Variants in SLC28A1 observed in about 807,000 individuals in gnomAD.
SLC28A1 encodes sodium/nucleoside cotransporter 1.
A neutral mutation model predicts 74.8 loss-of-function variants in SLC28A1; 64 were observed. The ratio of observed to expected loss-of-function variants is 0.86; its 90% CI spans 0.70 to 1.05. The LOEUF is 1.05. Among genes scored for constraint, SLC28A1 ranks in the 50% least tolerant of loss-of-function variants. The pLI, the probability that SLC28A1 is intolerant of heterozygous loss-of-function variation, is 0.00. For synonymous variants in SLC28A1, 359 were observed against 335.0 expected (o/e 1.07, Z -0.78); for missense variants, 828 against 822.8 (o/e 1.01, Z -0.08).
intron 4 of SLC28A1, among the ~76,000 whole-genome samples, 181 bp from the exon 5 acceptor site, chr15:84,890,262 G>A (rs933593157): frequency 6.6e-6 from 1 of 152,230 alleles, no homozygotes; most frequent in Non-Finnish European, 1.5e-5. Flanking sequence ...AGGAAGGCCT[G>A]AACCATTTCT....
intron 10 of SLC28A1, among the ~76,000 whole-genome samples, chr15:84,919,443 G>A (rs1317691954): frequency 6.6e-6 from 1 of 152,136 alleles, no homozygotes; most frequent in Admixed American, 6.5e-5. Flanking sequence ...TCACAGACTG[G>A]GTAATTTATA....
At chr15:84,934,349 T>C (rs1448465677) in intron 13 of SLC28A1, among the ~76,000 whole-genome samples, 2 of 152,202 alleles carry the variant, frequency 1.3e-5, no homozygotes, top group Admixed American at 1.3e-4. Flanking sequence ...CATCTCTATG[T>C]GCCTGAGCTC....
At position 84,923,969 on chromosome 15, in the gene SLC28A1, T is replaced by A; in HGVS notation, c.958-16T>A. On this transcript the variant is annotated splice_polypyrimidine_tract_variant and intron_variant, in intron 11 of 18. Transcript: ENST00000394573. The stretch of plus-strand genomic sequence containing the variant: ...TCACCCCCACCCTGCTTGTCTGACA[T>A]CTTTCCTGTTTGCAGACCGAGGCTC... 1 of 1,614,026 alleles carries A rather than the reference T, an allele frequency of 6.2e-7. No homozygotes were observed. The highest frequency in any genetic ancestry group is 8.5e-7 in the Non-Finnish European group (1 of 1,180,010).
At chr15:84,966,584 G>T in the SLC28A1 span, among the ~76,000 whole-genome samples, 13 of 152,104 alleles carry the variant, frequency 8.5e-5, no homozygotes, top group Non-Finnish European at 1.5e-4. Context: ...ACCTGAGACT[G>T]GGCAATTTAC....
intron 9 of SLC28A1, among the ~76,000 whole-genome samples, chr15:84,917,975 G>T (rs1476777020): frequency 6.6e-6 from 1 of 152,124 alleles, no homozygotes; most frequent in South Asian, 2.1e-4. Flanking sequence ...ATGGGGTGAT[G>T]GGAGGAGATG....
chr15:84,947,090 T>G (rs569689208), downstream of SLC28A1, among the ~76,000 whole-genome samples: 1 of 152,370 alleles, frequency 6.6e-6, no homozygotes, highest in African/African-American at 2.4e-5. Context: ...TTGGTTCCAG[T>G]GGGCAGCAGC....
chr15:84,957,424 G>A, the SLC28A1 span, among the ~76,000 whole-genome samples: 3 of 152,182 alleles, frequency 2.0e-5, no homozygotes, highest in African/African-American at 4.8e-5. Context: ...ACGCCACCAC[G>A]CCCAGCTAAT....
At chr15:84,895,178 G>A (rs752130615) in intron 6 of SLC28A1, 55 bp downstream of exon 6, 15 of 1,603,088 alleles carry the variant, frequency 9.4e-6, no homozygotes, top group East Asian at 2.2e-5. Context: ...GAGCTGAGGG[G>A]TTGGCTCCAG....
At chr15:84,947,423 TC>T (rs2079270489), downstream of SLC28A1, among the ~76,000 whole-genome samples, 1 of 152,218 alleles carries the variant, frequency 6.6e-6, no homozygotes. Flanking sequence ...TTCTCTGGAC[TC>T]CCTGCACGCT....
the SLC28A1 span, among the ~76,000 whole-genome samples, chr15:84,973,704 G>A: frequency 3.9e-5 from 6 of 152,118 alleles, no homozygotes; most frequent in Non-Finnish European, 5.9e-5. Context: ...GTAATTATAC[G>A]CTCGCGTAGT....
the SLC28A1 span, among the ~76,000 whole-genome samples, chr15:84,950,831 T>G: frequency 0.44 from 66,504 of 151,970 alleles, 16,104 homozygotes; most frequent in East Asian, 0.88. Flanking sequence ...GAGGGTTCTG[T>G]TGACTTTTTC....
intron 6 of SLC28A1, among the ~76,000 whole-genome samples, chr15:84,897,747 A>G (rs1432547865): frequency 6.6e-6 from 1 of 152,154 alleles, no homozygotes; most frequent in Admixed American, 6.5e-5. Context: ...CTCAAACTGT[A>G]TATTTGTACC....
chr15:84,894,022 T>A (rs1965661356), intron 5 of SLC28A1, among the ~76,000 whole-genome samples: 1 of 152,220 alleles, frequency 6.6e-6, no homozygotes, highest in African/African-American at 2.4e-5. Flanking sequence ...TCACATTTTT[T>A]ATCCATGGCT....
At chr15:84,971,722 T>C in the SLC28A1 span, among the ~76,000 whole-genome samples, 1 of 149,836 alleles carries the variant, frequency 6.7e-6, no homozygotes, top group Admixed American at 6.7e-5. Flanking sequence ...CGATCTCAGC[T>C]CACTGCAACC....
rs1025057835 is a variant in SLC28A1 at position 84,900,994 on chromosome 15, C to T, written c.462-3103C>T. On this transcript the variant is annotated intron_variant, in intron 6 of 18. Coordinates refer to ENST00000394573, the MANE Select transcript of SLC28A1 (RefSeq NM_004213.5). Reference sequence around the variant, plus strand: ...ATCCCAGCACTTTGGGAGGCTGAGGCAGGCAGATCACGAGGTCAAGAGATT... The same window carrying T: ...ATCCCAGCACTTTGGGAGGCTGAGGTAGGCAGATCACGAGGTCAAGAGATT... Among the ~76,000 whole-genome samples, 31 of 148,876 alleles carry T rather than the reference C, an allele frequency of 2.1e-4. 1 individual carries two copies. Among genetic ancestry groups the T allele is most frequent in the African/African-American group, 7.5e-4 (30 of 40,182 alleles).
chr15:84,945,176 C>T lies in SLC28A1; in HGVS notation c.1926C>T (p.Tyr642=), dbSNP rs2079159243. 6.2e-7 allele frequency: 1 copy of T among 1,613,950 alleles called. No homozygotes were observed. Among genetic ancestry groups the T allele is most frequent in the Admixed American group, 1.7e-5 (1 of 59,998 alleles). Residue 642 remains tyrosine, a synonymous_variant, in exon 19 of 19, where the codon TAC becomes TAT. Transcript: ENST00000394573. ...CCCTGGACAACTGCTGTCGGTTTTA[C>T]AACCACACGATCTGTGCACAGTGAG... ...PEALDNCCRF[Y]NHTICAQ
At chr15:84,973,188 C>G in the SLC28A1 span, among the ~76,000 whole-genome samples, 3 of 152,194 alleles carry the variant, frequency 2.0e-5, no homozygotes, top group African/African-American at 7.2e-5. Flanking sequence ...CCTCCCATTT[C>G]AAGGCCTTTG....
At chr15:84,908,620 G>T in intron 8 of SLC28A1, 98 bp from the exon 9 acceptor site, 1 of 993,992 alleles carries the variant, frequency 1.0e-6, no homozygotes, top group Admixed American at 1.9e-5. Flanking sequence ...GGGGGACTAC[G>T]TCCCTGGGCC....
intron 9 of SLC28A1, among the ~76,000 whole-genome samples, chr15:84,917,910 G>A (rs1969336926): frequency 6.6e-6 from 1 of 152,182 alleles, no homozygotes; most frequent in Non-Finnish European, 1.5e-5. Context: ...AAGGGAGAAT[G>A]GGTGAGCTTG....
Sources: gnomAD v4.1 joint callset for allele counts (sites outside exome capture counted in the v4.1 genomes callset) on GRCh38, gnomAD v4.1.1 for gene constraint, MANE v1.5 for transcripts, NCBI Gene and HGNC (gene_info 2026-07-23, HGNC 2026-07-21) for gene names.